Variants in AFF3 observed in about 807,000 individuals in gnomAD.
The protein encoded by AFF3 is AF4/FMR2 family member 3.
Under a neutral mutation model 129.7 loss-of-function variants are expected in AFF3, and 32 were observed. The observed-to-expected ratio is 0.25, with a 90% confidence interval of 0.19 to 0.33. The LOEUF (loss-of-function observed/expected upper bound fraction) is 0.33. AFF3 is among the 10% of genes least tolerant of loss of function. AFF3 has a pLI of 1.00. For missense variants in AFF3, 1,373 were observed against 1,592.0 expected (o/e 0.86, Z 2.34); for synonymous variants, 644 against 635.4 (o/e 1.01, Z -0.20).
intron 7 of AFF3, among the ~76,000 whole-genome samples, chr2:99,857,808 A>G (rs977107855): frequency 6.6e-6 from 1 of 152,188 alleles, no homozygotes; most frequent in Non-Finnish European, 1.5e-5. Context: ...AAGTTAGGGA[A>G]GTCCTTCTCC....
At chr2:99,911,653 G>C (rs1404741563) in intron 7 of AFF3, among the ~76,000 whole-genome samples, 1 of 152,154 alleles carries the variant, frequency 6.6e-6, no homozygotes, top group Non-Finnish European at 1.5e-5. Context: ...GAAAAATTAA[G>C]CTGCTCTCCT....
At chr2:100,068,908 T>G (rs531161386) in intron 4 of AFF3, among the ~76,000 whole-genome samples, 2 of 152,326 alleles carry the variant, frequency 1.3e-5, no homozygotes, top group Non-Finnish European at 2.9e-5. Flanking sequence ...ACCTCAGTTC[T>G]ATCACTTTGG....
chr2:99,996,485 T>C (rs549417650), intron 7 of AFF3, among the ~76,000 whole-genome samples: 181 of 151,508 alleles, frequency 1.2e-3, no homozygotes, highest in Non-Finnish European at 2.0e-3. Flanking sequence ...TCTCGGCTCA[T>C]GAGTAGTTGG....
chr2:99,829,324 G>C (rs1688340726), intron 8 of AFF3, among the ~76,000 whole-genome samples: 1 of 152,108 alleles, frequency 6.6e-6, no homozygotes. Context: ...CACAGCAAAA[G>C]AAACTATCAT....
intron 7 of AFF3, among the ~76,000 whole-genome samples, chr2:99,994,289 GTGGGC>G (rs1680638338): frequency 6.6e-6 from 1 of 152,138 alleles, no homozygotes; most frequent in Admixed American, 6.5e-5. Context: ...AGCAAACAGA[GTGGGC>G]ATCTTAAAAG....
At chr2:99,895,451 A>G (rs559349566) in intron 7 of AFF3, among the ~76,000 whole-genome samples, 139 of 152,354 alleles carry the variant, frequency 9.1e-4, no homozygotes, top group African/African-American at 3.2e-3. Flanking sequence ...GTGCAGAGAC[A>G]TTCTTGTGGA....
intron 4 of AFF3, among the ~76,000 whole-genome samples, chr2:100,014,783 CTT>C (rs60456923): frequency 0.035 from 4,165 of 120,312 alleles, 273 homozygotes; most frequent in African/African-American, 0.13. Flanking sequence ...ACCTTGCTTC[CTT>C]TTTTTTTTTT....
chr2:100,119,299 C>T (rs1691857636), intron 2 of AFF3, among the ~76,000 whole-genome samples: 1 of 152,204 alleles, frequency 6.6e-6, no homozygotes, highest in Non-Finnish European at 1.5e-5. Context: ...TTTGTTGTTA[C>T]AGCCCTACTT....
chr2:99,826,256 C>G (rs1393334847), intron 8 of AFF3, among the ~76,000 whole-genome samples: 1 of 152,142 alleles, frequency 6.6e-6, no homozygotes, highest in Admixed American at 6.5e-5. Context: ...CACAGGTGAT[C>G]CACCTGCCTC....
chr2:99,738,514 T>A (rs1680442193), intron 10 of AFF3, among the ~76,000 whole-genome samples: 2 of 152,158 alleles, frequency 1.3e-5, no homozygotes, highest in South Asian at 4.1e-4. Flanking sequence ...AGGACTGCAA[T>A]TATACTTGAA....
At chr2:100,136,571 G>C (rs1238787095) in intron 1 of AFF3, among the ~76,000 whole-genome samples, 5 of 152,194 alleles carry the variant, frequency 3.3e-5, no homozygotes, top group African/African-American at 1.2e-4. Flanking sequence ...GTGGGAGTGT[G>C]TGTGCACTTT....
intron 4 of AFF3, among the ~76,000 whole-genome samples, chr2:100,021,313 T>A (rs1227921266): frequency 6.6e-6 from 1 of 152,224 alleles, no homozygotes; most frequent in Non-Finnish European, 1.5e-5. Flanking sequence ...TAATTCCTGG[T>A]TTCCTGAAAC....
chr2:99,686,540 T>G (rs529738751), intron 11 of AFF3, among the ~76,000 whole-genome samples: 2 of 152,360 alleles, frequency 1.3e-5, no homozygotes, highest in South Asian at 4.1e-4. Context: ...GCCAGCCATA[T>G]TGCATATTGA....
chr2:99,587,303 A>G, intron 15 of AFF3, 25 bp from the exon 16 acceptor site: 1 of 1,613,444 alleles, frequency 6.2e-7, no homozygotes, highest in South Asian at 1.1e-5. Context: ...ACTAAAGTCA[A>G]TCAGCACTGG....
At chr2:99,762,279 A>T (rs988467817) in intron 8 of AFF3, among the ~76,000 whole-genome samples, 2 of 151,904 alleles carry the variant, frequency 1.3e-5, no homozygotes, top group Non-Finnish European at 2.9e-5. Context: ...ACATGCTACC[A>T]TGCCCAGCTA....
intron 13 of AFF3, among the ~76,000 whole-genome samples, chr2:99,606,868 T>G (rs914129884): frequency 2.2e-4 from 29 of 134,426 alleles, no homozygotes; most frequent in Admixed American, 8.8e-5. Context: ...GAGCTGAGAT[T>G]GCGCCACTGC....
intron 7 of AFF3, among the ~76,000 whole-genome samples, chr2:99,876,096 G>C (rs1473501894): frequency 6.6e-6 from 1 of 151,996 alleles, no homozygotes; most frequent in Non-Finnish European, 1.5e-5. Flanking sequence ...AAGATCCCTA[G>C]GGGTTACAAA....
At chr2:99,697,844 A>G (rs1676446554) in intron 11 of AFF3, among the ~76,000 whole-genome samples, 1 of 152,218 alleles carries the variant, frequency 6.6e-6, no homozygotes. Flanking sequence ...GATATAACAG[A>G]ATTGGAAGTG....
chr2:100,055,132 C>T (rs1466062024), intron 4 of AFF3, among the ~76,000 whole-genome samples: 2 of 152,126 alleles, frequency 1.3e-5, no homozygotes, highest in African/African-American at 4.8e-5. Context: ...AACTCATTTT[C>T]ACATCCATTT....
Sources: allele counts gnomAD v4.1 joint callset (sites outside exome capture counted in the v4.1 genomes callset), GRCh38; gene constraint gnomAD v4.1.1; transcripts MANE v1.5; gene names NCBI Gene and HGNC (gene_info 2026-07-23, HGNC 2026-07-21).